The following UNC13B variants were observed in gnomAD, a reference collection of about 807,000 sequenced individuals.
UNC13B encodes protein unc-13 homolog B.
A neutral mutation model predicts 211.0 loss-of-function variants in UNC13B; 144 were observed. The ratio of observed to expected loss-of-function variants is 0.68; its 90% CI spans 0.60 to 0.78. The LOEUF is 0.78. Among genes scored for constraint, UNC13B ranks in the 30% least tolerant of loss-of-function variants. The pLI, the probability that UNC13B is intolerant of heterozygous loss-of-function variation, is 0.00. For synonymous variants in UNC13B, 709 were observed against 725.8 expected, an observed-to-expected ratio of 0.98 and a Z score of 0.37; for missense variants, 1,777 against 2,002.0, an observed-to-expected ratio of 0.89 and a Z score of 2.14.
chr9:35,188,317 T>G (rs1822472339), intron 1 of UNC13B, among the ~76,000 whole-genome samples: 1 of 152,224 alleles, frequency 6.6e-6, no homozygotes, highest in South Asian at 2.1e-4. Context: ...TGTCTGCGAA[T>G]GACAAAATTT....
At chr9:35,291,901 A>G (rs1829117369) in intron 7 of UNC13B, among the ~76,000 whole-genome samples, 1 of 152,200 alleles carries the variant, frequency 6.6e-6, no homozygotes, top group African/African-American at 2.4e-5. Flanking sequence ...CTATTAGGAA[A>G]GTACTCAAAA....
intron 7 of UNC13B, among the ~76,000 whole-genome samples, chr9:35,294,674 GT>G (rs1341894225): frequency 3.9e-5 from 6 of 152,196 alleles, no homozygotes; most frequent in Non-Finnish European, 7.3e-5. Flanking sequence ...TTTTGGGATG[GT>G]GAACATTCCT....
chr9:35,351,048 C>T (rs906285138), intron 11 of UNC13B, among the ~76,000 whole-genome samples: 9 of 152,272 alleles, frequency 5.9e-5, no homozygotes, highest in South Asian at 4.1e-4. Context: ...GTCTCAATAT[C>T]GTTGACTTTG....
intron 1 of UNC13B, among the ~76,000 whole-genome samples, chr9:35,223,353 T>C (rs958394959): frequency 2.0e-5 from 3 of 152,208 alleles, no homozygotes; most frequent in African/African-American, 7.2e-5. Context: ...CAGGCCAGCA[T>C]CTGTTATATT....
At chr9:35,187,077 C>T (rs1008663322) in intron 1 of UNC13B, among the ~76,000 whole-genome samples, 11 of 152,090 alleles carry the variant, frequency 7.2e-5, no homozygotes, top group African/African-American at 2.4e-4. Flanking sequence ...TCCGATATTC[C>T]GGTTAGAAGG....
chr9:35,338,472 GC>G (rs745949973), intron 11 of UNC13B, among the ~76,000 whole-genome samples: 15 of 152,172 alleles, frequency 9.9e-5, no homozygotes, highest in Non-Finnish European at 1.9e-4. Context: ...CAGGGAAGGA[GC>G]AGGATTACCT....
At chr9:35,397,597 A>G in intron 29 of UNC13B, 38 bp from the exon 30 acceptor site, 1 of 1,591,048 alleles carries the variant, frequency 6.3e-7, no homozygotes, top group South Asian at 1.1e-5. Context: ...AAGAGCTAAG[A>G]GTTCCCTTTC....
chr9:35,247,432 A>C (rs968326981), intron 6 of UNC13B, among the ~76,000 whole-genome samples: 29 of 152,130 alleles, frequency 1.9e-4, no homozygotes, highest in Non-Finnish European at 1.8e-4. Context: ...GTCTTGTGCC[A>C]GTTTTCAAAG....
chr9:35,199,414 C>T (rs1823143148), intron 1 of UNC13B, among the ~76,000 whole-genome samples: 1 of 152,138 alleles, frequency 6.6e-6, no homozygotes, highest in African/African-American at 2.4e-5. Context: ...TGAGGAATCG[C>T]CACACTGTCT....
intron 1 of UNC13B, among the ~76,000 whole-genome samples, chr9:35,172,710 T>C (rs1171832054): frequency 1.3e-5 from 2 of 152,226 alleles, no homozygotes; most frequent in Non-Finnish European, 2.9e-5. Flanking sequence ...CAGAAATAAT[T>C]ATCCACTGGG....
Position 35,403,951 on chromosome 9 carries a change from T to A in UNC13B, c.12941T>A (p.Leu4314Ter), listed in dbSNP as rs759033937. 1 of 1,614,140 alleles carries A rather than the reference T, an allele frequency of 6.2e-7. No individual in the cohort carries two copies. Among genetic ancestry groups the A allele is most frequent in the Non-Finnish European group, 8.5e-7 (1 of 1,180,024 alleles). ...ACAGGCCTGACCATTCTCCGGATTT[T>A]ATCTCAGAGGAGCAATGACGAGGTG... Reference protein sequence around the residue: ...DETGLTILRILSQRSNDEVAR... With the variant: ...DETGLTILRI The change falls in exon 40 of 40, where the codon TTA becomes TAA. Residue 4314 changes from leucine to a stop codon, truncating the protein, a stop_gained. Coordinates refer to ENST00000635942, the MANE Select transcript of UNC13B (RefSeq NM_001371189.2). LOFTEE classifies it high-confidence loss of function.
At chr9:35,298,877 G>T (rs1049364433) in intron 8 of UNC13B, among the ~76,000 whole-genome samples, 3 of 152,148 alleles carry the variant, frequency 2.0e-5, no homozygotes, top group African/African-American at 7.2e-5. Flanking sequence ...TATAGGGAAA[G>T]ATTTTCTTTT....
intron 1 of UNC13B, among the ~76,000 whole-genome samples, chr9:35,187,698 A>G (rs1174397415): frequency 6.6e-6 from 1 of 152,188 alleles, no homozygotes; most frequent in Non-Finnish European, 1.5e-5. Context: ...TTAGAGCTGA[A>G]CCCAGCCATG....
Position 35,237,781 on chromosome 9 carries a change from ACTC to A in UNC13B, c.353_355del (p.Pro118del). 1 of 1,613,892 alleles carries A rather than the reference ACTC, an allele frequency of 6.2e-7. No individual in the cohort carries two copies. Among genetic ancestry groups the A allele is most frequent in the African/African-American group, 1.3e-5 (1 of 75,018 alleles). On this transcript the variant is annotated inframe_deletion, in exon 5 of 40. Coordinates refer to ENST00000635942, the MANE Select transcript of UNC13B (RefSeq NM_001371189.2). Reference sequence around the variant, plus strand: ...TGAGATCTGTGGAACTAGAAACCCAACTCCTCATAAAATTTTGCTTGATACAAG... The same window carrying A: ...TGAGATCTGTGGAACTAGAAACCCAACTCATAAAATTTTGCTTGATACAAG...
At chr9:35,271,490 A>G (rs1444581200) in intron 7 of UNC13B, among the ~76,000 whole-genome samples, 1 of 152,172 alleles carries the variant, frequency 6.6e-6, no homozygotes, top group Non-Finnish European at 1.5e-5. Context: ...CTTGCAACAA[A>G]TGGTATCAGT....
At chr9:35,215,751 A>G (rs927011629) in intron 1 of UNC13B, among the ~76,000 whole-genome samples, 1 of 152,192 alleles carries the variant, frequency 6.6e-6, no homozygotes, top group Non-Finnish European at 1.5e-5. Flanking sequence ...ACATAGTTGA[A>G]TTATTGGAAG....
Position 35,259,029 on chromosome 9 carries a change from C to G in UNC13B, c.505C>G (p.Pro169Ala). The G allele has an allele frequency of 6.2e-7, 1 of 1,613,846 alleles. No homozygotes were observed. The highest frequency in any genetic ancestry group is 1.1e-5 in the South Asian group (1 of 91,070). The change falls in exon 7 of 40, where the codon CCC (proline) becomes GCC (alanine). Residue 169 changes from proline to alanine, a missense_variant. Transcript: ENST00000635942. ...AGAAGAAAGCCAGAGGAAGCCATTGCCCACTGCTGCCGCCCAGTGTTGTAA... is the reference window on the plus strand; with the variant it reads ...AGAAGAAAGCCAGAGGAAGCCATTGGCCACTGCTGCCGCCCAGTGTTGTAA... Reference protein sequence around the residue: ...SQEESQRKPLPTAAAQCSFED... With the variant: ...SQEESQRKPLATAAAQCSFED...
intron 21 of UNC13B, among the ~76,000 whole-genome samples, chr9:35,383,333 A>C (rs1246689724): frequency 6.6e-6 from 1 of 152,234 alleles, no homozygotes; most frequent in Non-Finnish European, 1.5e-5. Context: ...ACCTGACATT[A>C]ATTCAGTATA....
At position 35,259,002 on chromosome 9, in the gene UNC13B, CAAG is replaced by C. The variant is rs1459078774; in HGVS notation, c.484_486del (p.Glu162del). 1.2e-6 allele frequency: 2 copies of C among 1,613,442 alleles called. No homozygotes were observed. The highest frequency in any genetic ancestry group is 2.7e-5 in the African/African-American group (2 of 74,892). Reference sequence around the variant, plus strand: ...TCCTTTCTGCTTCTAGTATTCTAGTCAAGAAGAAAGCCAGAGGAAGCCATTGCC... The same window carrying C: ...TCCTTTCTGCTTCTAGTATTCTAGTCAAGAAAGCCAGAGGAAGCCATTGCC... On this transcript the variant is annotated inframe_deletion, in exon 7 of 40. Transcript: ENST00000635942.
Sources: allele counts gnomAD v4.1 joint callset (sites outside exome capture counted in the v4.1 genomes callset), GRCh38; gene constraint gnomAD v4.1.1; transcripts MANE v1.5; gene names NCBI Gene and HGNC (gene_info 2026-07-23, HGNC 2026-07-21).